Variants in TSPAN5 observed in about 807,000 individuals in gnomAD.
TSPAN5 encodes the protein tetraspanin 5.
In TSPAN5, 10 loss-of-function variants were observed where a neutral mutation model predicts 37.1. That is an observed-to-expected ratio of 0.27 (90% CI 0.17 to 0.46). The LOEUF (loss-of-function observed/expected upper bound fraction) is 0.46, where lower values mean the gene tolerates loss of function less well. Among genes scored for constraint, TSPAN5 ranks in the 20% least tolerant of loss-of-function variants. The probability of loss-of-function intolerance (pLI) is 1.00; values close to 1 mark genes in which losing one functional copy is unlikely to be tolerated. For synonymous variants in TSPAN5, 110 were observed against 118.9 expected (o/e 0.93, Z 0.48); for missense variants, 195 against 326.6 (o/e 0.60, Z 3.11).
At chr4:98,624,296 G>A (rs763664429) in intron 1 of TSPAN5, among the ~76,000 whole-genome samples, 3 of 151,812 alleles carry the variant, frequency 2.0e-5, no homozygotes, top group Non-Finnish European at 4.4e-5. Context: ...ACAACGCTAG[G>A]ACTGCCTCTA....
At chr4:98,567,818 G>T (rs1414293281) in intron 1 of TSPAN5, among the ~76,000 whole-genome samples, 1 of 152,088 alleles carries the variant, frequency 6.6e-6, no homozygotes, top group Non-Finnish European at 1.5e-5. Flanking sequence ...CGGGGCGGGG[G>T]GCCTGGTCAG....
intron 1 of TSPAN5, among the ~76,000 whole-genome samples, chr4:98,655,630 T>G (rs1392158991): frequency 6.6e-6 from 1 of 152,234 alleles, no homozygotes; most frequent in African/African-American, 2.4e-5. Context: ...TGGCAATCTC[T>G]TCTTCATAAT....
At chr4:98,501,236 A>T (rs1448813081) in intron 2 of TSPAN5, among the ~76,000 whole-genome samples, 1 of 152,226 alleles carries the variant, frequency 6.6e-6, no homozygotes, top group Non-Finnish European at 1.5e-5. Context: ...CTCAAATCAG[A>T]CTTCAGAAAC....
intron 1 of TSPAN5, among the ~76,000 whole-genome samples, chr4:98,647,743 C>A (rs190396342): frequency 2.4e-4 from 36 of 152,102 alleles, no homozygotes; most frequent in Non-Finnish European, 4.7e-4. Context: ...AAAAATTATA[C>A]CTTGTGATTC....
chr4:98,641,966 G>C (rs764133493), intron 1 of TSPAN5, among the ~76,000 whole-genome samples: 1 of 152,204 alleles, frequency 6.6e-6, no homozygotes, highest in Non-Finnish European at 1.5e-5. Flanking sequence ...TGAACAGTGA[G>C]TAGTAAAAAC....
chr4:98,590,030 C>T (rs6829942), intron 1 of TSPAN5, among the ~76,000 whole-genome samples: 83 of 152,244 alleles, frequency 5.5e-4, no homozygotes, highest in Non-Finnish European at 1.1e-3. Context: ...TCCTACTGTA[C>T]GAAATTCCAG....
chr4:98,582,797 C>T (rs1755399396), intron 1 of TSPAN5, among the ~76,000 whole-genome samples: 1 of 152,174 alleles, frequency 6.6e-6, no homozygotes, highest in Non-Finnish European at 1.5e-5. Context: ...CATGTGCCCC[C>T]CTCATTAAAC....
chr4:98,553,419 A>G (rs2110158008), intron 1 of TSPAN5, among the ~76,000 whole-genome samples: 2 of 152,338 alleles, frequency 1.3e-5, no homozygotes, highest in South Asian at 4.1e-4. Flanking sequence ...AACAAAAATA[A>G]TCATATGCAT....
At chr4:98,542,083 G>A (rs1307301516) in intron 1 of TSPAN5, among the ~76,000 whole-genome samples, 1 of 152,138 alleles carries the variant, frequency 6.6e-6, no homozygotes, top group East Asian at 1.9e-4. Context: ...TGTCCTCTCT[G>A]TACATAACTT....
intron 1 of TSPAN5, among the ~76,000 whole-genome samples, chr4:98,516,572 A>G (rs1008764739): frequency 2.0e-5 from 3 of 152,216 alleles, no homozygotes; most frequent in African/African-American, 7.2e-5. Flanking sequence ...TGCAGCCAAA[A>G]GCATTCTGCT....
intron 1 of TSPAN5, among the ~76,000 whole-genome samples, chr4:98,516,836 G>A (rs1753741594): frequency 6.6e-6 from 1 of 152,170 alleles, no homozygotes; most frequent in African/African-American, 2.4e-5. Context: ...CATTAAGTGA[G>A]ATTCCTTCTC....
At chr4:98,498,215 C>A (rs1475526950) in intron 2 of TSPAN5, among the ~76,000 whole-genome samples, 4 of 152,068 alleles carry the variant, frequency 2.6e-5, no homozygotes, top group African/African-American at 9.7e-5. Flanking sequence ...AGGAGACAGA[C>A]ACAGAGAGGA....
In TSPAN5 at chr4:98,634,853, A is replaced by C. The variant is rs1474246105; in HGVS notation, c.81+23293T>G. On this transcript the variant is annotated intron_variant, in intron 1 of 7. Transcript: ENST00000305798. ...AAACCCAACTGGACAGAGTGGGAGAAGAGACAAAAGATGTCCATTCTTTGG... is the reference window on the plus strand; with the variant it reads ...AAACCCAACTGGACAGAGTGGGAGACGAGACAAAAGATGTCCATTCTTTGG... Among the ~76,000 whole-genome samples, 4 of 152,258 alleles carry C rather than the reference A, an allele frequency of 2.6e-5. No individual in the cohort carries two copies. The East Asian group carries it at 7.7e-4, about 29-fold the overall frequency.
intron 1 of TSPAN5, among the ~76,000 whole-genome samples, chr4:98,516,601 G>T (rs1753735750): frequency 6.6e-6 from 1 of 152,206 alleles, no homozygotes; most frequent in Non-Finnish European, 1.5e-5. Flanking sequence ...AGCACGGTTT[G>T]TCTGCCCTCA....
chr4:98,545,233 T>C (rs557131054), intron 1 of TSPAN5, among the ~76,000 whole-genome samples: 1 of 152,304 alleles, frequency 6.6e-6, no homozygotes, highest in South Asian at 2.1e-4. Context: ...GGGGGCAAGC[T>C]TGCCTGAAAA....
intron 1 of TSPAN5, among the ~76,000 whole-genome samples, chr4:98,654,287 T>A (rs920441584): frequency 6.6e-6 from 1 of 152,238 alleles, no homozygotes; most frequent in Non-Finnish European, 1.5e-5. Context: ...TTGGAGGTTA[T>A]GTAGCAATAA....
At chr4:98,589,611 C>T (rs1176533719) in intron 1 of TSPAN5, among the ~76,000 whole-genome samples, 2 of 152,216 alleles carry the variant, frequency 1.3e-5, no homozygotes, top group African/African-American at 4.8e-5. Context: ...TCTCCAACTG[C>T]CTAGACCCAC....
chr4:98,632,985 T>C (rs1756781062), intron 1 of TSPAN5, among the ~76,000 whole-genome samples: 1 of 152,038 alleles, frequency 6.6e-6, no homozygotes, highest in Admixed American at 6.5e-5. Context: ...GCATGAACCG[T>C]AGGCAGGAAC....
chr4:98,628,562 G>A (rs1431799958), intron 1 of TSPAN5, among the ~76,000 whole-genome samples: 1 of 152,112 alleles, frequency 6.6e-6, no homozygotes, highest in African/African-American at 2.4e-5. Flanking sequence ...GGTTAGATCT[G>A]GCAACACAGG....
Sources: gnomAD v4.1 joint callset for allele counts (sites outside exome capture counted in the v4.1 genomes callset) on GRCh38, gnomAD v4.1.1 for gene constraint, MANE v1.5 for transcripts, NCBI Gene and HGNC (gene_info 2026-07-23, HGNC 2026-07-21) for gene names.